Variants in ARHGAP21 observed in about 807,000 individuals in gnomAD.
The protein encoded by ARHGAP21 is Rho GTPase activating protein 21, also known as rho GTPase-activating protein 21.
Under a neutral mutation model 164.6 loss-of-function variants are expected in ARHGAP21, and 38 were observed. The observed-to-expected ratio is 0.23, with a 90% confidence interval of 0.18 to 0.30. The LOEUF (loss-of-function observed/expected upper bound fraction) is 0.30. Ranked by LOEUF, ARHGAP21 falls within the 10% of genes least tolerant of loss-of-function variation. ARHGAP21 has a pLI of 1.00. For missense variants in ARHGAP21, 1,822 were observed against 2,370.7 expected (o/e 0.77, Z 4.81); for synonymous variants, 766 against 857.9 (o/e 0.89, Z 1.87).
At chr10:24,606,058 T>TGTCTC (rs900067456) in intron 11 of ARHGAP21, among the ~76,000 whole-genome samples, 9 of 152,138 alleles carry the variant, frequency 5.9e-5, no homozygotes, top group Non-Finnish European at 7.4e-5. Context: ...AATGTAAAGT[T>TGTCTC]GTCTCTTTAT....
chr10:24,615,312 A>T (rs1271684160), intron 9 of ARHGAP21, among the ~76,000 whole-genome samples: 2 of 152,228 alleles, frequency 1.3e-5, no homozygotes, highest in African/African-American at 4.8e-5. Flanking sequence ...TGGATATGGC[A>T]GTGCCGTTAA....
chr10:24,624,099 A>G (rs927838323), intron 7 of ARHGAP21, among the ~76,000 whole-genome samples: 2 of 152,176 alleles, frequency 1.3e-5, no homozygotes, highest in Non-Finnish European at 2.9e-5. Flanking sequence ...AGTTATCACA[A>G]GGGGCCCTGA....
At chr10:24,691,122 C>G (rs918028898) in intron 2 of ARHGAP21, among the ~76,000 whole-genome samples, 18 of 152,154 alleles carry the variant, frequency 1.2e-4, no homozygotes, top group African/African-American at 3.6e-4. Context: ...GAGAGGTCAT[C>G]AGCTGGGGTA....
At position 24,584,763 on chromosome 10, in the gene ARHGAP21, G is replaced by A; in HGVS notation, c.5526C>T (p.Cys1842=). The A allele has an allele frequency of 1.2e-6, 2 of 1,613,984 alleles. No homozygotes were observed. The highest frequency in any genetic ancestry group is 1.1e-5 in the South Asian group (1 of 91,076). The change falls in exon 26 of 26, where the codon TGC becomes TGT. Residue 1842 remains cysteine, a synonymous_variant. Coordinates refer to ENST00000396432, the MANE Select transcript of ARHGAP21 (RefSeq NM_020824.4). ...LSAVNRLKPK[C]SAQDLSISDW... The stretch of plus-strand genomic sequence containing the variant: ...CTGAGATGGAAAGGTCCTGGGCTGA[G>A]CATTTTGGTTTTAACCGGTTTACAG...
intron 2 of ARHGAP21, among the ~76,000 whole-genome samples, chr10:24,718,858 T>C (rs1845646073): frequency 6.6e-6 from 1 of 151,390 alleles, no homozygotes; most frequent in African/African-American, 2.4e-5. Context: ...TGGACAAGAG[T>C]ATGGACTACA....
intron 2 of ARHGAP21, among the ~76,000 whole-genome samples, chr10:24,712,322 C>T (rs1375569769): frequency 6.6e-6 from 1 of 152,152 alleles, no homozygotes; most frequent in African/African-American, 2.4e-5. Context: ...TACGGACAGG[C>T]AGAGACTGGA....
chr10:24,596,672 C>T (rs754104437), intron 17 of ARHGAP21, 68 bp downstream of exon 17: 2 of 1,604,366 alleles, frequency 1.2e-6, no homozygotes, highest in Non-Finnish European at 1.7e-6. Flanking sequence ...AGGCTATATA[C>T]TCAGATCCCA....
At chr10:24,716,811 A>C (rs1845431591) in intron 2 of ARHGAP21, among the ~76,000 whole-genome samples, 1 of 152,166 alleles carries the variant, frequency 6.6e-6, no homozygotes, top group Non-Finnish European at 1.5e-5. Context: ...ATCAAAGATC[A>C]CTCCAAGATG....
Position 24,585,223 on chromosome 10 carries a change from C to G in ARHGAP21, c.5066G>C (p.Arg1689Thr). Residue 1689 changes from arginine to threonine, a missense_variant, in exon 26 of 26, where the codon AGA (arginine) becomes ACA (threonine). Arg to Thr is a moderately conservative substitution (Grantham distance 71). This residue lies in a region of ARHGAP21 where 117 missense variants were observed against 193.2 expected (regional missense o/e 0.61). Coordinates refer to ENST00000396432, the MANE Select transcript of ARHGAP21 (RefSeq NM_020824.4). ...GAGTTTATGGGAACTGAAGAGCTGT[C>G]TCCGGCTATCTAAACTTGATGTTAA... ...GSLTSSLDSR[R>T]QLFSSHKLIE... 1 of 1,605,242 alleles carries G rather than the reference C, an allele frequency of 6.2e-7. No individual in the cohort carries two copies.
intron 7 of ARHGAP21, among the ~76,000 whole-genome samples, chr10:24,624,306 G>T (rs1386334418): frequency 6.8e-6 from 1 of 146,286 alleles, no homozygotes. Context: ...AAAATAATTA[G>T]AATATCTGCC....
intron 3 of ARHGAP21, among the ~76,000 whole-genome samples, chr10:24,668,945 T>A (rs1488763010): frequency 6.6e-6 from 1 of 152,116 alleles, no homozygotes; most frequent in Admixed American, 6.5e-5. Flanking sequence ...AAATACACAA[T>A]CCTAATGTAA....
At chr10:24,661,382 C>T (rs562481532) in intron 4 of ARHGAP21, among the ~76,000 whole-genome samples, 46 of 151,862 alleles carry the variant, frequency 3.0e-4, no homozygotes, top group Non-Finnish European at 5.4e-4. Context: ...AAGCAAAATG[C>T]AAACACTGGG....
At chr10:24,586,491 A>G (rs185140742) in intron 25 of ARHGAP21, among the ~76,000 whole-genome samples, 3 of 152,308 alleles carry the variant, frequency 2.0e-5, no homozygotes, top group Admixed American at 6.5e-5. Context: ...GTAAAACAAT[A>G]TTGTGACACG....
intron 7 of ARHGAP21, chr10:24,629,180 G>A (rs1835596248): frequency 2.0e-5 from 3 of 149,016 alleles, no homozygotes; most frequent in African/African-American, 5.0e-5. Flanking sequence ...ATTTAGTAGA[G>A]ATAGGGTAGA....
Position 24,607,536 on chromosome 10 carries a change from C to T in ARHGAP21, c.2647G>A (p.Asp883Asn). 1.2e-6 allele frequency: 2 copies of T among 1,613,862 alleles called. No homozygotes were observed. Among genetic ancestry groups the T allele is most frequent in the Non-Finnish European group, 1.7e-6 (2 of 1,180,014 alleles). ...NSKTERSKSY[D>N]EGLDDYREDA... ...TCTCTGTAATCATCCAGACCCTCAT[C>T]ATATGATTTTGATCTTTCTGTCTTT... Residue 883 changes from aspartate (D) to asparagine (N), a missense_variant, in exon 11 of 26, where the codon GAT becomes AAT. By Grantham distance (23) the Asp-to-Asn change is conservative. Transcript: ENST00000396432.
At chr10:24,720,314 CTAAT>C (rs1398580277) in intron 2 of ARHGAP21, among the ~76,000 whole-genome samples, 1 of 150,582 alleles carries the variant, frequency 6.6e-6, no homozygotes, top group Non-Finnish European at 1.5e-5. Flanking sequence ...AAATACAATG[CTAAT>C]TAAAGTATTC....
chr10:24,698,375 A>T (rs1270340063), intron 2 of ARHGAP21, among the ~76,000 whole-genome samples: 1 of 152,156 alleles, frequency 6.6e-6, no homozygotes, highest in Non-Finnish European at 1.5e-5. Flanking sequence ...CACACAACCA[A>T]GCAGCGGCAA....
intron 21 of ARHGAP21, among the ~76,000 whole-genome samples, chr10:24,594,549 TTGACAAAGAAAA>T (rs2076491742): frequency 6.6e-6 from 1 of 152,220 alleles, no homozygotes; most frequent in Non-Finnish European, 1.5e-5. Context: ...TTTGTTGTGT[TTGACAAAGAAAA>T]TGTGGTGGTG....
intron 9 of ARHGAP21, among the ~76,000 whole-genome samples, chr10:24,618,366 TCTA>T (rs1834197018): frequency 6.6e-6 from 1 of 152,138 alleles, no homozygotes; most frequent in Non-Finnish European, 1.5e-5. Flanking sequence ...ATGTTTTAGT[TCTA>T]CTGAGAAACA....
Sources: allele counts gnomAD v4.1 joint callset (sites outside exome capture counted in the v4.1 genomes callset), GRCh38; gene constraint gnomAD v4.1.1; regional missense constraint gnomAD v4.1.1; transcripts MANE v1.5; gene names NCBI Gene and HGNC (gene_info 2026-07-23, HGNC 2026-07-21).